The following GNB5 variants were observed in gnomAD, a reference collection of about 807,000 sequenced individuals.
GNB5 encodes guanine nucleotide-binding protein subunit beta-5.
A neutral mutation model predicts 55.3 loss-of-function variants in GNB5; 37 were observed. That is an observed-to-expected ratio of 0.67 (90% CI 0.51 to 0.88). The LOEUF (loss-of-function observed/expected upper bound fraction) is 0.88. Ranked by LOEUF, GNB5 falls within the 40% of genes least tolerant of loss-of-function variation. The pLI is 0.00. For synonymous variants in GNB5, 219 were observed against 198.5 expected, an observed-to-expected ratio of 1.10 and a Z score of -0.87; for missense variants, 476 against 515.3, an observed-to-expected ratio of 0.92 and a Z score of 0.74.
intron 4 of GNB5, among the ~76,000 whole-genome samples, chr15:52,150,977 C>G (rs2034080171): frequency 1.3e-5 from 2 of 152,218 alleles, no homozygotes; most frequent in South Asian, 4.1e-4. Flanking sequence ...AGGGCAGAAG[C>G]AAGATCGGAT....
chr15:52,141,079 T>C, intron 7 of GNB5, 61 bp downstream of exon 7: 1 of 1,518,070 alleles, frequency 6.6e-7, no homozygotes, highest in Non-Finnish European at 9.1e-7. Flanking sequence ...CTTCCTCTCC[T>C]CTCAGCTCCT....
chr15:52,115,998 T>C lies in GNB5; in HGVS notation c.*6759A>G, dbSNP rs1026215844. 1 of 152,272 alleles carries C rather than the reference T, an allele frequency of 6.6e-6. No individual in the cohort carries two copies. Among genetic ancestry groups the C allele is most frequent in the Non-Finnish European group, 1.5e-5 (1 of 68,046 alleles). The allele number at this position is 152,272 out of a possible 1,614,324, so 9.4% of individuals were successfully genotyped here. ...CAAGGTTCATCCATGTTGCAGCATG[T>C]GTCCACGCTTTCTTTCTTTGTATTC... On this transcript the variant is annotated 3_prime_UTR_variant, in exon 13 of 13. Transcript: ENST00000261837.
intron 3 of GNB5, among the ~76,000 whole-genome samples, chr15:52,161,110 A>T (rs1566944519): frequency 1.3e-5 from 2 of 152,220 alleles, no homozygotes; most frequent in Non-Finnish European, 2.9e-5. Context: ...TCTACAGATG[A>T]GGAGCCTGGA....
At chr15:52,146,355 G>T (rs944128000) in intron 6 of GNB5, among the ~76,000 whole-genome samples, 1 of 152,240 alleles carries the variant, frequency 6.6e-6, no homozygotes, top group African/African-American at 2.4e-5. Flanking sequence ...GAATTATGTC[G>T]GTTTCAGTTC....
At chr15:52,146,118 G>A (rs751858377) in intron 6 of GNB5, among the ~76,000 whole-genome samples, 7 of 151,762 alleles carry the variant, frequency 4.6e-5, no homozygotes, top group Admixed American at 3.9e-4. Context: ...CACCGTGCCC[G>A]GCTAATTTTT....
chr15:52,161,752 G>A (rs1596090196), intron 3 of GNB5, among the ~76,000 whole-genome samples: 1 of 152,222 alleles, frequency 6.6e-6, no homozygotes, highest in South Asian at 2.1e-4. Context: ...GACTCAACAA[G>A]CAAGGACTGA....
Position 52,137,749 on chromosome 15 carries a change from T to C in GNB5, c.628-1993A>G, listed in dbSNP as rs1482307799. 4.2e-6 allele frequency: 5 copies of C among 1,196,608 alleles called. No individual in the cohort carries two copies. The Admixed American group carries it at 1.4e-4, about 33-fold the overall frequency. 74.1% of individuals were successfully genotyped at this position (1,196,608 alleles called of 1,614,324 possible). ...GAGGACTCAGGGTTCGGGGCCCTCA[T>C]AGGCCCAGCTGGCGGCATCACAGAG... On this transcript the variant is annotated intron_variant, in intron 7 of 12. Transcript: ENST00000261837.
At chr15:52,177,311 G>A (rs2034671138) in intron 3 of GNB5, among the ~76,000 whole-genome samples, 1 of 151,758 alleles carries the variant, frequency 6.6e-6, no homozygotes, top group African/African-American at 2.4e-5. Flanking sequence ...GGGATTACAG[G>A]CGTGAGCCAC....
chr15:52,123,390 T>C (rs1222043015), intron 12 of GNB5, among the ~76,000 whole-genome samples: 1 of 151,806 alleles, frequency 6.6e-6, no homozygotes, highest in Non-Finnish European at 1.5e-5. Context: ...CCTAATTAAG[T>C]GCCCCCCAAC....
At chr15:52,155,264 A>G (rs2034183016) in intron 3 of GNB5, among the ~76,000 whole-genome samples, 1 of 152,200 alleles carries the variant, frequency 6.6e-6, no homozygotes, top group Non-Finnish European at 1.5e-5. Context: ...GGGAAGAGGC[A>G]AGGCAGCTGC....
At chr15:52,172,586 C>A (rs1179245754) in intron 3 of GNB5, among the ~76,000 whole-genome samples, 1 of 151,972 alleles carries the variant, frequency 6.6e-6, no homozygotes, top group Non-Finnish European at 1.5e-5. Flanking sequence ...TCAAGACCAG[C>A]CTGGGCGACA....
At chr15:52,181,161 C>T (rs988344973) in intron 2 of GNB5, 1 of 152,338 alleles carries the variant, frequency 6.6e-6, no homozygotes, top group Non-Finnish European at 1.5e-5. Context: ...AGCCAGCCTC[C>T]ACTTGCTGTC....
chr15:52,137,680 G>C, intron 7 of GNB5: 1 of 1,184,226 alleles, frequency 8.4e-7, no homozygotes, highest in Non-Finnish European at 1.1e-6. Context: ...ATGAGGCCTG[G>C]GCTCTGGCTG....
At chr15:52,179,673 C>G in intron 3 of GNB5, 95 bp downstream of exon 3, 2 of 733,936 alleles carry the variant, frequency 2.7e-6, no homozygotes, top group Non-Finnish European at 3.7e-6. Flanking sequence ...TGGCTCCCGT[C>G]GCAGCCACGA....
At chr15:52,152,963 G>A (rs573103834) in intron 4 of GNB5, among the ~76,000 whole-genome samples, 1 of 152,306 alleles carries the variant, frequency 6.6e-6, no homozygotes, top group South Asian at 2.1e-4. Flanking sequence ...ATAGCTTTAT[G>A]TTCAATACAT....
rs61642921 is a variant in GNB5 at position 52,138,401 on chromosome 15, A to AAAT, written c.628-2646_628-2645insATT. ...TGGTCTCAAAAAAAAAAAAAAAAAAACTCATTTTTTTTTCTTTTTTTGCAG... is the reference window on the plus strand; with the variant it reads ...TGGTCTCAAAAAAAAAAAAAAAAAAAAATCTCATTTTTTTTTCTTTTTTTGCAG... On this transcript the variant is annotated intron_variant, in intron 7 of 12. Coordinates refer to ENST00000261837, the MANE Select transcript of GNB5 (RefSeq NM_016194.4). 949 of 147,482 alleles carry AAAT rather than the reference A, an allele frequency of 6.4e-3. 19 individuals carry two copies. Among genetic ancestry groups the AAAT allele is most frequent in the African/African-American group, 0.023 (897 of 39,048 alleles). 9.1% of individuals were successfully genotyped at this position (147,482 alleles called of 1,614,324 possible).
intron 4 of GNB5, 82 bp downstream of exon 4, chr15:52,153,858 C>A: frequency 8.1e-7 from 1 of 1,235,828 alleles, no homozygotes. Flanking sequence ...CAGAAAAGGG[C>A]TTTTGGAAAG....
chr15:52,122,846 T>TA, intron 12 of GNB5, 78 bp from the exon 13 acceptor site: 1 of 1,073,278 alleles, frequency 9.3e-7, no homozygotes, highest in South Asian at 1.2e-5. Flanking sequence ...GAGATAAAAT[T>TA]AGTCTATTCA....
At position 52,116,609 on chromosome 15, in the gene GNB5, TAG is replaced by T. The variant is rs200320561; in HGVS notation, c.*6146_*6147del. The T allele has an allele frequency of 6.6e-6, 1 of 152,116 alleles. No individual in the cohort carries two copies. The highest frequency in any genetic ancestry group is 1.9e-4 in the East Asian group (1 of 5,180). The allele number at this position is 152,116 out of a possible 1,614,324, so 9.4% of individuals were successfully genotyped here. Reference sequence around the variant, plus strand: ...AATGTGAAAGTTGTTAGAATTCAAATAGAGTCACTAGTGTTTTAAAAAAACAA... The same window carrying T: ...AATGTGAAAGTTGTTAGAATTCAAATAGTCACTAGTGTTTTAAAAAAACAA... On this transcript the variant is annotated 3_prime_UTR_variant, in exon 13 of 13. Coordinates refer to ENST00000261837, the MANE Select transcript of GNB5 (RefSeq NM_016194.4).
Sources: allele counts gnomAD v4.1 joint callset (sites outside exome capture counted in the v4.1 genomes callset), GRCh38; gene constraint gnomAD v4.1.1; transcripts MANE v1.5; gene names NCBI Gene and HGNC (gene_info 2026-07-23, HGNC 2026-07-21).